Variants in HIVEP3 observed in about 807,000 individuals in gnomAD.
HIVEP3 encodes HIVEP zinc finger 3.
A neutral mutation model predicts 152.8 loss-of-function variants in HIVEP3; 49 were observed. The ratio of observed to expected loss-of-function variants is 0.32; its 90% confidence interval spans 0.26 to 0.41. The LOEUF is 0.41. HIVEP3 is among the 10% of genes least tolerant of loss of function. The pLI, the probability that HIVEP3 is intolerant of heterozygous loss-of-function variation, is 1.00. For synonymous variants in HIVEP3, 1,269 were observed against 1,289.0 expected (o/e 0.98, Z 0.33); for missense variants, 2,790 against 3,103.3 (o/e 0.90, Z 2.40).
chr1:41,842,594 C>A (rs1643322061), intron 1 of HIVEP3, among the ~76,000 whole-genome samples: 1 of 152,166 alleles, frequency 6.6e-6, no homozygotes, highest in East Asian at 1.9e-4. Flanking sequence ...CCTGAGATAA[C>A]AGAATGCTAG....
chr1:41,817,992 G>T (rs1642462296), intron 1 of HIVEP3, among the ~76,000 whole-genome samples: 1 of 152,158 alleles, frequency 6.6e-6, no homozygotes, highest in Admixed American at 6.5e-5. Context: ...CTAGGGGCCA[G>T]CTCTACTGTC....
intron 1 of HIVEP3, among the ~76,000 whole-genome samples, chr1:41,840,625 G>A (rs1052949993): frequency 1.3e-5 from 2 of 152,086 alleles, no homozygotes; most frequent in African/African-American, 4.8e-5. Context: ...ACCCCATCAC[G>A]AGACCCTACA....
intron 5 of HIVEP3, among the ~76,000 whole-genome samples, chr1:41,526,347 C>T (rs1642908043): frequency 6.9e-6 from 1 of 144,698 alleles, no homozygotes; most frequent in South Asian, 2.3e-4. Flanking sequence ...GCTCACACCC[C>T]ACACTCACCC....
At chr1:41,978,116 G>C (rs1377920177) in intron 1 of HIVEP3, among the ~76,000 whole-genome samples, 2 of 152,008 alleles carry the variant, frequency 1.3e-5, no homozygotes, top group African/African-American at 4.8e-5. Context: ...CTAAATTATA[G>C]AATGTATTAG....
chr1:41,687,466 A>G (rs1161069714), intron 2 of HIVEP3, among the ~76,000 whole-genome samples: 2 of 152,232 alleles, frequency 1.3e-5, no homozygotes, highest in African/African-American at 4.8e-5. Context: ...AGAGGGCTTC[A>G]TCATGCTCTG....
chr1:41,953,718 T>C (rs958237582), intron 1 of HIVEP3, among the ~76,000 whole-genome samples: 3 of 152,174 alleles, frequency 2.0e-5, no homozygotes, highest in Admixed American at 1.3e-4. Context: ...ATACTTTTAT[T>C]GTTAAAAGAA....
intron 1 of HIVEP3, among the ~76,000 whole-genome samples, chr1:41,833,293 C>T (rs1283659559): frequency 1.3e-5 from 2 of 152,306 alleles, no homozygotes; most frequent in Admixed American, 1.3e-4. Flanking sequence ...TAATTTATAG[C>T]TCCAGCATTG....
chr1:42,028,183 TTTG>T (rs1379424262), intron 1 of HIVEP3, among the ~76,000 whole-genome samples: 2 of 152,192 alleles, frequency 1.3e-5, no homozygotes, highest in African/African-American at 2.4e-5. Flanking sequence ...TATTTTATTT[TTTG>T]TTGTTGTTGT....
chr1:41,616,160 T>A (rs148354351), intron 3 of HIVEP3, among the ~76,000 whole-genome samples: 1 of 151,690 alleles, frequency 6.6e-6, no homozygotes, highest in Non-Finnish European at 1.5e-5. Context: ...CAAGGTGGAG[T>A]CCATTTCAGA....
chr1:41,515,327 G>A (rs1345902718), intron 7 of HIVEP3, among the ~76,000 whole-genome samples: 1 of 152,242 alleles, frequency 6.6e-6, no homozygotes, highest in African/African-American at 2.4e-5. Flanking sequence ...CATTCAGCCG[G>A]ATGTAGGTCA....
intron 5 of HIVEP3, among the ~76,000 whole-genome samples, chr1:41,561,753 C>T (rs1357979925): frequency 6.6e-6 from 1 of 151,926 alleles, no homozygotes; most frequent in Non-Finnish European, 1.5e-5. Flanking sequence ...GCCATGATCT[C>T]CCAAAGTGCT....
chr1:41,580,199 T>G lies in HIVEP3; in HGVS notation c.4599A>C (p.Glu1533Asp). Residue 1533 changes from glutamate (E) to aspartate (D), a missense_variant, in exon 4 of 9, where the codon GAA (glutamate) becomes GAC (aspartate). Physicochemically the swap from Glu to Asp is conservative, Grantham distance 45 (BLOSUM62 2). Around this residue, in one of 9 missense-constraint regions of HIVEP3, gnomAD observed 1,078 missense variants for 1,165.3 expected, o/e 0.93. Transcript: ENST00000372583. Reference protein sequence around the residue: ...GTAPGSEALKEYPQPSGKPHR... With the variant: ...GTAPGSEALKDYPQPSGKPHR... ...GAGGTTTGCCAGATGGCTGGGGATA[T>G]TCCTTCAAAGCTTCTGAGCCTGGGG... The G allele has an allele frequency of 1.2e-6, 2 of 1,612,210 alleles. No homozygotes were observed. Among genetic ancestry groups the G allele is most frequent in the Non-Finnish European group, 1.7e-6 (2 of 1,179,002 alleles).
At chr1:41,802,544 T>C (rs1417096914) in intron 1 of HIVEP3, among the ~76,000 whole-genome samples, 1 of 152,156 alleles carries the variant, frequency 6.6e-6, no homozygotes, top group Non-Finnish European at 1.5e-5. Context: ...TTGGCTTTCA[T>C]CTTCAATAAA....
chr1:41,638,918 G>T (rs1645328939), intron 2 of HIVEP3, among the ~76,000 whole-genome samples: 1 of 152,234 alleles, frequency 6.6e-6, no homozygotes, highest in Non-Finnish European at 1.5e-5. Flanking sequence ...CCAAGGGCTG[G>T]CAGGGAGGCA....
At chr1:41,637,862 A>G (rs1272710175) in intron 2 of HIVEP3, among the ~76,000 whole-genome samples, 1 of 152,238 alleles carries the variant, frequency 6.6e-6, no homozygotes, top group Non-Finnish European at 1.5e-5. Flanking sequence ...GCAGAGCAGA[A>G]TGGGGGGTCA....
intron 5 of HIVEP3, among the ~76,000 whole-genome samples, chr1:41,551,665 T>C (rs1012965989): frequency 1.3e-5 from 2 of 152,234 alleles, no homozygotes; most frequent in Non-Finnish European, 2.9e-5. Context: ...TTTATTTGCA[T>C]AGAGATGTTT....
chr1:41,531,680 T>C lies in HIVEP3; in HGVS notation c.5208-6770A>G, dbSNP rs111162023. ...TGGAGGACAGGGGAGACGGAGGACA[T>C]GAGAGATAGAGGACAGGGGAGATGG... On this transcript the variant is annotated intron_variant, in intron 5 of 8. Coordinates refer to ENST00000372583, the MANE Select transcript of HIVEP3 (RefSeq NM_024503.5). Among the ~76,000 whole-genome samples the C allele has an allele frequency of 3.3e-3, 114 of 34,356 alleles. 1 individual carries two copies. Among genetic ancestry groups the C allele is most frequent in the Non-Finnish European group, 5.0e-3 (93 of 18,454 alleles). 22.5% of individuals were successfully genotyped at this position (34,356 alleles called of 152,430 possible). A position where few individuals can be genotyped will look rare whatever the true frequency, so the allele number is the denominator to read the frequency against.
At chr1:41,651,228 G>A (rs574448186) in intron 2 of HIVEP3, among the ~76,000 whole-genome samples, 178 of 152,114 alleles carry the variant, frequency 1.2e-3, no homozygotes, top group African/African-American at 3.1e-3. Context: ...TGGCCAACAC[G>A]GTGAAGCCCC....
intron 1 of HIVEP3, among the ~76,000 whole-genome samples, chr1:41,945,477 T>C (rs2124487899): frequency 6.6e-6 from 1 of 152,378 alleles, no homozygotes; most frequent in South Asian, 2.1e-4. Flanking sequence ...AGAGATATAA[T>C]GTTACTGCTA....
Sources: gnomAD v4.1 joint callset for allele counts (sites outside exome capture counted in the v4.1 genomes callset) on GRCh38, gnomAD v4.1.1 for gene constraint, gnomAD v4.1.1 regional missense constraint, MANE v1.5 for transcripts, NCBI Gene and HGNC (gene_info 2026-07-23, HGNC 2026-07-21) for gene names.